ATP10B: variants seen among roughly 807,000 people sequenced by gnomAD.
ATP10B encodes phospholipid-transporting ATPase VB.
A neutral mutation model predicts 141.2 loss-of-function variants in ATP10B; 122 were observed. That is an observed-to-expected ratio of 0.86 (90% CI 0.75 to 1.00). The LOEUF (loss-of-function observed/expected upper bound fraction) is 1.00. Ranked by LOEUF, ATP10B falls within the 50% of genes least tolerant of loss-of-function variation. The pLI, the probability that ATP10B is intolerant of heterozygous loss-of-function variation, is 0.00. For synonymous variants in ATP10B, 685 were observed against 692.0 expected (o/e 0.99, Z 0.16); for missense variants, 1,876 against 1,825.3 (o/e 1.03, Z -0.51).
At chr5:160,763,365 C>T (rs1253136318) in intron 2 of ATP10B, among the ~76,000 whole-genome samples, 1 of 152,114 alleles carries the variant, frequency 6.6e-6, no homozygotes, top group African/African-American at 2.4e-5. Flanking sequence ...CAAGTACTCT[C>T]TCAGACCACA....
chr5:160,916,625 T>C, the ATP10B span, among the ~76,000 whole-genome samples: 3 of 152,306 alleles, frequency 2.0e-5, no homozygotes, highest in Non-Finnish European at 2.9e-5. Context: ...TTTATCTCCA[T>C]TTTAGTGTTA....
At chr5:160,925,909 C>A in the ATP10B span, among the ~76,000 whole-genome samples, 42 of 152,286 alleles carry the variant, frequency 2.8e-4, no homozygotes, top group African/African-American at 9.6e-4. Flanking sequence ...CCTTCATAGG[C>A]CTCATCTCAT....
chr5:160,735,877 G>A (rs1156833199), intron 2 of ATP10B, among the ~76,000 whole-genome samples: 1 of 152,046 alleles, frequency 6.6e-6, no homozygotes, highest in Non-Finnish European at 1.5e-5. Context: ...ATTAAACAAT[G>A]TGCTCCTGAA....
intron 2 of ATP10B, among the ~76,000 whole-genome samples, chr5:160,737,645 A>AT (rs1326161388): frequency 1.3e-5 from 2 of 152,178 alleles, no homozygotes; most frequent in Non-Finnish European, 1.5e-5. Flanking sequence ...CCTATTTATA[A>AT]TAGCCACAAA....
At chr5:160,894,794 C>A in the ATP10B span, among the ~76,000 whole-genome samples, 1 of 152,156 alleles carries the variant, frequency 6.6e-6, no homozygotes, top group Non-Finnish European at 1.5e-5. Flanking sequence ...ATGTTAAGGG[C>A]AGCCAGAGAG....
At chr5:160,581,958 C>A (rs1305584497) in intron 24 of ATP10B, among the ~76,000 whole-genome samples, 1 of 152,148 alleles carries the variant, frequency 6.6e-6, no homozygotes, top group Non-Finnish European at 1.5e-5. Flanking sequence ...TTATCAGAGA[C>A]TAGGATTGCA....
At chr5:160,788,126 AC>A (rs889700262) in intron 1 of ATP10B, among the ~76,000 whole-genome samples, 20 of 152,282 alleles carry the variant, frequency 1.3e-4, no homozygotes, top group African/African-American at 4.8e-4. Flanking sequence ...CAGTGAGATG[AC>A]CTCTAGAAAC....
At chr5:160,894,354 T>C in the ATP10B span, among the ~76,000 whole-genome samples, 25 of 151,950 alleles carry the variant, frequency 1.6e-4, no homozygotes, top group African/African-American at 4.8e-4. Context: ...TAGAGAAGAA[T>C]ACAAATGACC....
rs778595515 is a variant in ATP10B at position 160,620,819 on chromosome 5, C to T, written c.1944G>A (p.Gly648=). The part of the protein sequence containing the change: ...SSTAPSDTDL[G]ESLGANVATT... The stretch of plus-strand genomic sequence containing the variant: ...TGGCCACGTTGGCCCCTAAGCTCTC[C>T]CCGAGGTCTGTGTCAGAGGGTGCAG... The change falls in exon 15 of 26, where the codon GGG becomes GGA. Residue 648 remains glycine, a synonymous_variant. Coordinates refer to ENST00000327245, the MANE Select transcript of ATP10B (RefSeq NM_025153.3). The T allele has an allele frequency of 6.2e-7, 1 of 1,614,186 alleles. No homozygotes were observed. The highest frequency in any genetic ancestry group is 1.7e-5 in the Admixed American group (1 of 60,026).
chr5:160,583,202 C>A (rs757002099), intron 24 of ATP10B, among the ~76,000 whole-genome samples: 6 of 152,130 alleles, frequency 3.9e-5, no homozygotes, highest in Non-Finnish European at 8.8e-5. Context: ...CTGTTTTTTT[C>A]TCATCTTCAT....
At chr5:160,846,664 CA>C (rs1227178677) in intron 1 of ATP10B, among the ~76,000 whole-genome samples, 2 of 152,242 alleles carry the variant, frequency 1.3e-5, no homozygotes, top group East Asian at 1.9e-4. Flanking sequence ...GGTACCACCA[CA>C]AAAAATTGCT....
In ATP10B at chr5:160,668,989, T is replaced by C. The variant is rs184361404; in HGVS notation, c.675+1474A>G. Among the ~76,000 whole-genome samples, 257 of 152,352 alleles carry C rather than the reference T, an allele frequency of 1.7e-3. 8 individuals are homozygous for C. The South Asian group carries it at 0.046, about 27-fold the overall frequency. ...TTTGAGAAGTTTGAGTCTGGAAAAC[T>C]GCACTCTAGCTCATGAGAATCTCTG... On this transcript the variant is annotated intron_variant, in intron 7 of 25. Coordinates refer to ENST00000327245, the MANE Select transcript of ATP10B (RefSeq NM_025153.3).
Position 160,598,443 on chromosome 5 carries a change from C to A in ATP10B, c.3564+327G>T, listed in dbSNP as rs548998782. ...AGGAGATATACCTAATGCTAAATGACGAGTTAATGGGTGCAGCACACCAGC... is the reference window on the plus strand; with the variant it reads ...AGGAGATATACCTAATGCTAAATGAAGAGTTAATGGGTGCAGCACACCAGC... On this transcript the variant is annotated intron_variant, in intron 22 of 25. Coordinates refer to ENST00000327245, the MANE Select transcript of ATP10B (RefSeq NM_025153.3). 1.9e-4 allele frequency among the ~76,000 whole-genome samples: 29 copies of A among 151,726 alleles called. No individual in the cohort carries two copies. The East Asian group carries it at 5.7e-3, about 30-fold the overall frequency.
intron 7 of ATP10B, among the ~76,000 whole-genome samples, chr5:160,654,632 T>C (rs1761353551): frequency 1.3e-5 from 2 of 152,118 alleles, no homozygotes; most frequent in Non-Finnish European, 2.9e-5. Flanking sequence ...GACTAAAGTG[T>C]CTCATGGTTG....
At chr5:160,632,500 G>A in intron 12 of ATP10B, 133 bp from the exon 13 acceptor site, 2 of 782,806 alleles carry the variant, frequency 2.6e-6, no homozygotes, top group South Asian at 1.8e-5. Context: ...TGGCATCTGG[G>A]CTACCAAGAC....
At chr5:160,906,259 C>G in the ATP10B span, among the ~76,000 whole-genome samples, 1 of 151,838 alleles carries the variant, frequency 6.6e-6, no homozygotes, top group Admixed American at 6.6e-5. Flanking sequence ...GTGTTTGGAC[C>G]TTTGAGACAT....
chr5:160,660,814 T>C (rs1761859874), intron 7 of ATP10B, among the ~76,000 whole-genome samples: 1 of 152,222 alleles, frequency 6.6e-6, no homozygotes. Flanking sequence ...CACTAGATCC[T>C]ACTACCATGT....
At chr5:160,816,517 A>G (rs1773640993) in intron 1 of ATP10B, among the ~76,000 whole-genome samples, 2 of 152,168 alleles carry the variant, frequency 1.3e-5, no homozygotes, top group African/African-American at 4.8e-5. Context: ...TTAATAGCTT[A>G]CCAACCAAAA....
At chr5:160,820,673 C>T (rs1774033571) in intron 1 of ATP10B, among the ~76,000 whole-genome samples, 1 of 152,034 alleles carries the variant, frequency 6.6e-6, no homozygotes. Flanking sequence ...TTAAACAACA[C>T]ATTGAAAAGA....
Sources: gnomAD v4.1 joint callset for allele counts (sites outside exome capture counted in the v4.1 genomes callset) on GRCh38, gnomAD v4.1.1 for gene constraint, MANE v1.5 for transcripts, NCBI Gene and HGNC (gene_info 2026-07-23, HGNC 2026-07-21) for gene names.